The following HOMER1 variants were observed in gnomAD, a reference collection of about 807,000 sequenced individuals.
The protein encoded by HOMER1 is homer protein homolog 1.
In HOMER1, 3 loss-of-function variants were observed where a neutral mutation model predicts 48.9. The ratio of observed to expected loss-of-function variants is 0.06; its 90% CI spans 0.03 to 0.16. The LOEUF (loss-of-function observed/expected upper bound fraction) is 0.16. Among genes scored for constraint, HOMER1 ranks in the 10% least tolerant of loss-of-function variants. HOMER1 has a pLI of 1.00. For missense variants in HOMER1, 247 were observed against 411.4 expected, an observed-to-expected ratio of 0.60 and a Z score of 3.46; for synonymous variants, 134 against 146.4, an observed-to-expected ratio of 0.92 and a Z score of 0.61.
Position 79,435,915 on chromosome 5 carries a change from G to T in HOMER1, c.527+3095C>A, listed in dbSNP as rs1181372400. Among the ~76,000 whole-genome samples, 3 of 129,962 alleles carry T rather than the reference G, an allele frequency of 2.3e-5. No homozygotes were observed. The East Asian group carries it at 6.9e-4, about 30-fold the overall frequency. 85.3% of individuals were successfully genotyped at this position (129,962 alleles called of 152,430 possible). A position where few individuals can be genotyped will look rare whatever the true frequency, so the allele number is the denominator to read the frequency against. On this transcript the variant is annotated intron_variant, in intron 5 of 8. Coordinates refer to ENST00000334082, the MANE Select transcript of HOMER1 (RefSeq NM_004272.5). ...GCCGAGGCGGGTGGATCATGAGGTC[G>T]GGAGATCGAGACCATCCTGGCTAAC...
chr5:79,440,886 G>A (rs1047160043), intron 4 of HOMER1, among the ~76,000 whole-genome samples: 4 of 152,286 alleles, frequency 2.6e-5, no homozygotes, highest in African/African-American at 4.8e-5. Flanking sequence ...GTTACCGGCC[G>A]GGACGTGGTG....
At chr5:79,496,839 T>C (rs1202521476) in intron 1 of HOMER1, among the ~76,000 whole-genome samples, 1 of 151,418 alleles carries the variant, frequency 6.6e-6, no homozygotes, top group East Asian at 1.9e-4. Context: ...CCGAGGTGGG[T>C]GGATCACTTG....
intron 2 of HOMER1, among the ~76,000 whole-genome samples, chr5:79,455,394 G>A (rs1381957560): frequency 2.0e-5 from 3 of 152,122 alleles, no homozygotes; most frequent in African/African-American, 7.2e-5. Flanking sequence ...CCCCAATGCT[G>A]TTCTTGTGAT....
intron 8 of HOMER1, among the ~76,000 whole-genome samples, chr5:79,392,500 G>A (rs1445014143): frequency 6.6e-6 from 1 of 152,176 alleles, no homozygotes; most frequent in Non-Finnish European, 1.5e-5. Context: ...AAAGAAAATA[G>A]TTTTCTACAG....
intron 6 of HOMER1, among the ~76,000 whole-genome samples, chr5:79,399,744 C>T (rs1409136014): frequency 6.6e-6 from 1 of 152,018 alleles, no homozygotes; most frequent in Non-Finnish European, 1.5e-5. Context: ...TTAAAAATGA[C>T]TAGTCATTTT....
intron 1 of HOMER1, among the ~76,000 whole-genome samples, chr5:79,474,129 C>T (rs1299419809): frequency 6.6e-6 from 1 of 151,924 alleles, no homozygotes; most frequent in African/African-American, 2.4e-5. Context: ...GCCCCAAACT[C>T]CTAGGCTAAG....
At chr5:79,379,746 T>G (rs1242503527) in intron 8 of HOMER1, among the ~76,000 whole-genome samples, 2 of 151,660 alleles carry the variant, frequency 1.3e-5, no homozygotes, top group African/African-American at 2.4e-5. Flanking sequence ...TGCCCGGCCT[T>G]GCCTTTCATT....
At chr5:79,503,053 C>T (rs527807035) in intron 1 of HOMER1, among the ~76,000 whole-genome samples, 1 of 152,246 alleles carries the variant, frequency 6.6e-6, no homozygotes, top group South Asian at 2.1e-4. Context: ...TCCCAAAGTG[C>T]TGGGATTACA....
chr5:79,492,509 A>C (rs563006953), intron 1 of HOMER1, among the ~76,000 whole-genome samples: 2 of 152,042 alleles, frequency 1.3e-5, no homozygotes, highest in African/African-American at 4.8e-5. Context: ...GAAAAAAAAA[A>C]CCCACCGTAT....
Position 79,497,589 on chromosome 5 carries a change from C to T in HOMER1, c.5+15181G>A, listed in dbSNP as rs375881003. Among the ~76,000 whole-genome samples, 28 of 148,506 alleles carry T rather than the reference C, an allele frequency of 1.9e-4. 1 individual carries two copies. Among genetic ancestry groups the T allele is most frequent in the Admixed American group, 7.4e-4 (11 of 14,808 alleles). ...CTGAGGCAGGAGAATCATTTGAACC[C>T]GGGAGGCGGAGGTTGCAGTGAGCCA... On this transcript the variant is annotated intron_variant, in intron 1 of 8. Transcript: ENST00000334082.
chr5:79,511,217 C>T (rs1411036577), intron 1 of HOMER1, among the ~76,000 whole-genome samples: 1 of 152,136 alleles, frequency 6.6e-6, no homozygotes, highest in East Asian at 1.9e-4. Flanking sequence ...TCAAGGGAAG[C>T]CATATTTCTA....
intron 1 of HOMER1, among the ~76,000 whole-genome samples, chr5:79,461,195 T>C (rs533950212): frequency 6.6e-6 from 1 of 152,296 alleles, no homozygotes; most frequent in South Asian, 2.1e-4. Context: ...AGAAGCTATA[T>C]CTAAAATCTT....
intron 1 of HOMER1, 75 bp downstream of exon 1, chr5:79,512,695 C>T: frequency 7.1e-7 from 1 of 1,410,120 alleles, no homozygotes; most frequent in Non-Finnish European, 1.0e-6. Context: ...AAACACAAAA[C>T]ACAATCACCA....
rs1478848385 is a variant in HOMER1, at chr5:79,457,028, A to G, written c.6-10T>C. On this transcript the variant is annotated splice_polypyrimidine_tract_variant and intron_variant, in intron 1 of 8. Coordinates refer to ENST00000334082, the MANE Select transcript of HOMER1 (RefSeq NM_004272.5). ...GAAGATAGGTTGTTCCCTGCAGGGCAGAAAAGAAAATGATGGACTGAAAGC... is the reference window on the plus strand; with the variant it reads ...GAAGATAGGTTGTTCCCTGCAGGGCGGAAAAGAAAATGATGGACTGAAAGC... 8 of 1,613,714 alleles carry G rather than the reference A, an allele frequency of 5.0e-6. No homozygotes were observed. The highest frequency in any genetic ancestry group is 5.1e-6 in the Non-Finnish European group (6 of 1,179,708).
intron 5 of HOMER1, among the ~76,000 whole-genome samples, chr5:79,403,317 G>A (rs1254824770): frequency 6.6e-6 from 1 of 152,050 alleles, no homozygotes; most frequent in Non-Finnish European, 1.5e-5. Context: ...AATTTGATGG[G>A]TTGATATTTT....
chr5:79,512,575 A>C (rs1306771906), intron 1 of HOMER1, among the ~76,000 whole-genome samples, 195 bp downstream of exon 1: 1 of 152,246 alleles, frequency 6.6e-6, no homozygotes, highest in Non-Finnish European at 1.5e-5. Context: ...ATGTGTTTTT[A>C]AATTATGACC....
intron 5 of HOMER1, among the ~76,000 whole-genome samples, chr5:79,413,746 C>A (rs1402982428): frequency 6.7e-6 from 1 of 150,058 alleles, no homozygotes; most frequent in East Asian, 1.9e-4. Context: ...TAGGTGCTTT[C>A]ATATCAGCCT....
chr5:79,452,369 A>G (rs1751052271), intron 2 of HOMER1, among the ~76,000 whole-genome samples: 1 of 152,222 alleles, frequency 6.6e-6, no homozygotes, highest in African/African-American at 2.4e-5. Flanking sequence ...ATCATAAAAT[A>G]TTAACTCATT....
chr5:79,384,695 A>T (rs1202094585), intron 8 of HOMER1, among the ~76,000 whole-genome samples: 1 of 152,192 alleles, frequency 6.6e-6, no homozygotes, highest in Non-Finnish European at 1.5e-5. Context: ...ATACAACAAA[A>T]AAAGAAAACA....
Sources: allele counts gnomAD v4.1 joint callset (sites outside exome capture counted in the v4.1 genomes callset), GRCh38; gene constraint gnomAD v4.1.1; transcripts MANE v1.5; gene names NCBI Gene and HGNC (gene_info 2026-07-23, HGNC 2026-07-21).